Variants in MRTFA observed in about 807,000 individuals in gnomAD.
MRTFA encodes myocardin related transcription factor A.
Under a neutral mutation model 83.5 loss-of-function variants are expected in MRTFA, and 20 were observed. The observed-to-expected ratio is 0.24, with a 90% CI of 0.17 to 0.35. The LOEUF (loss-of-function observed/expected upper bound fraction) is 0.35. MRTFA is among the 10% of genes least tolerant of loss of function. The probability of loss-of-function intolerance (pLI) is 1.00; values close to 1 mark genes in which losing one functional copy is unlikely to be tolerated. For missense variants in MRTFA, 1,200 were observed against 1,224.7 expected (o/e 0.98, Z 0.30); for synonymous variants, 659 against 541.2 (o/e 1.22, Z -3.02).
intron 5 of MRTFA, among the ~76,000 whole-genome samples, chr22:40,432,279 A>C (rs1379463720): frequency 5.3e-5 from 8 of 152,078 alleles, no homozygotes; most frequent in Non-Finnish European, 1.2e-4. Context: ...AAAACCAAAA[A>C]AAAACCCCAA....
chr22:40,463,310 A>G (rs1442935447), intron 3 of MRTFA, 24 bp from the exon 4 acceptor site: 3 of 1,605,914 alleles, frequency 1.9e-6, no homozygotes. Flanking sequence ...GAGAGAGAGG[A>G]GAGATGAGGG....
chr22:40,570,121 T>C (rs1286659766), intron 2 of MRTFA, among the ~76,000 whole-genome samples: 1 of 152,152 alleles, frequency 6.6e-6, no homozygotes, highest in South Asian at 2.1e-4. Context: ...CCTCTCTCAC[T>C]CCTTCTTCCC....
At chr22:40,476,757 TAA>T in intron 3 of MRTFA, among the ~76,000 whole-genome samples, 1 of 151,792 alleles carries the variant, frequency 6.6e-6, no homozygotes. Flanking sequence ...GCCTAAACAC[TAA>T]GTTTCTCTTG....
chr22:40,593,645 C>G (rs2056151499), intron 2 of MRTFA, among the ~76,000 whole-genome samples: 1 of 152,104 alleles, frequency 6.6e-6, no homozygotes, highest in African/African-American at 2.4e-5. Context: ...GCGTCAATTC[C>G]AAGGCCATGT....
At chr22:40,605,295 C>G (rs566222246) in intron 1 of MRTFA, among the ~76,000 whole-genome samples, 1 of 152,236 alleles carries the variant, frequency 6.6e-6, no homozygotes, top group African/African-American at 2.4e-5. Context: ...AAGCAGAAAA[C>G]CAATTTCAAA....
intron 1 of MRTFA, among the ~76,000 whole-genome samples, chr22:40,603,683 G>C (rs2056285182): frequency 6.6e-6 from 1 of 151,412 alleles, no homozygotes; most frequent in Non-Finnish European, 1.5e-5. Context: ...ATGGCAAAAT[G>C]TCTGAATTTT....
chr22:40,490,192 AT>A (rs2054248688), intron 3 of MRTFA, among the ~76,000 whole-genome samples: 1 of 152,108 alleles, frequency 6.6e-6, no homozygotes, highest in East Asian at 1.9e-4. Context: ...AAGCCATACT[AT>A]CCCCCGCCTC....
intron 2 of MRTFA, among the ~76,000 whole-genome samples, chr22:40,571,067 G>C (rs558699133): frequency 5.4e-5 from 8 of 147,312 alleles, no homozygotes; most frequent in African/African-American, 2.0e-4. Flanking sequence ...AAATTAGCTG[G>C]GCATGGTGGT....
chr22:40,444,073 G>A (rs938468820), intron 4 of MRTFA, among the ~76,000 whole-genome samples: 5 of 152,204 alleles, frequency 3.3e-5, no homozygotes, highest in Admixed American at 2.6e-4. Context: ...ATTTCCACCT[G>A]GTCATAACGA....
intron 3 of MRTFA, among the ~76,000 whole-genome samples, chr22:40,502,244 G>A (rs1431146237): frequency 7.0e-6 from 1 of 142,180 alleles, no homozygotes; most frequent in Admixed American, 6.8e-5. Context: ...GCCGGGTGGA[G>A]AGGCTCCTCA....
At chr22:40,611,325 T>C (rs1376036080) in intron 1 of MRTFA, among the ~76,000 whole-genome samples, 1 of 152,112 alleles carries the variant, frequency 6.6e-6, no homozygotes, top group Non-Finnish European at 1.5e-5. Flanking sequence ...CAGCCTTGAC[T>C]TCCTGGATTC....
Position 40,583,124 on chromosome 22 carries a change from T to TA in MRTFA, c.-22+11549dup, listed in dbSNP as rs370211922. Among the ~76,000 whole-genome samples, 452 of 152,094 alleles carry TA rather than the reference T, an allele frequency of 3.0e-3. 4 individuals carry two copies. Among genetic ancestry groups the TA allele is most frequent in the African/African-American group, 0.01 (428 of 41,480 alleles). On this transcript the variant is annotated intron_variant, in intron 2 of 14. Transcript: ENST00000355630. ...TCTATTACTAATATTCTTCCCTGATTAAAAAAAACAGAGCTTTGTTTTGCC... is the reference window on the plus strand; with the variant it reads ...TCTATTACTAATATTCTTCCCTGATTAAAAAAAAACAGAGCTTTGTTTTGCC...
intron 2 of MRTFA, chr22:40,587,906 A>G: frequency 2.4e-6 from 1 of 415,466 alleles, no homozygotes; most frequent in East Asian, 5.1e-5. Context: ...ATCTGGTGGA[A>G]TGGGAGCCTT....
At chr22:40,458,803 C>T (rs1459977521) in intron 4 of MRTFA, among the ~76,000 whole-genome samples, 1 of 152,012 alleles carries the variant, frequency 6.6e-6, no homozygotes, top group African/African-American at 2.4e-5. Flanking sequence ...GCTGGCCGGG[C>T]GTGGAGGCTC....
Position 40,609,538 on chromosome 22 carries a change from C to A in MRTFA, c.-83-14803G>T, listed in dbSNP as rs566849380. On this transcript the variant is annotated intron_variant, in intron 1 of 14. Coordinates refer to ENST00000355630, the MANE Select transcript of MRTFA (RefSeq NM_020831.6). Reference sequence around the variant, plus strand: ...ATTTTTGATAGTGAAAAATGACTAACCAAGATTTTAGGCTGGGCACGGTGG... The same window carrying A: ...ATTTTTGATAGTGAAAAATGACTAAACAAGATTTTAGGCTGGGCACGGTGG... Among the ~76,000 whole-genome samples the A allele has an allele frequency of 4.5e-4, 64 of 142,942 alleles. No homozygotes were observed. In the South Asian group the frequency reaches 0.014, roughly 31 times the overall value. 93.8% of individuals were successfully genotyped at this position (142,942 alleles called of 152,430 possible).
chr22:40,609,755 CG>C (rs1336613342), intron 1 of MRTFA, among the ~76,000 whole-genome samples: 5 of 151,602 alleles, frequency 3.3e-5, no homozygotes, highest in Non-Finnish European at 7.4e-5. Context: ...TGCTTGAACC[CG>C]GGCAGCGGAG....
At chr22:40,573,898 A>G (rs545811221) in intron 2 of MRTFA, among the ~76,000 whole-genome samples, 2 of 152,234 alleles carry the variant, frequency 1.3e-5, no homozygotes, top group South Asian at 4.2e-4. Context: ...TAATATTTTT[A>G]CTACTGCATC....
At chr22:40,557,971 G>C (rs990880151) in intron 2 of MRTFA, among the ~76,000 whole-genome samples, 6 of 152,070 alleles carry the variant, frequency 3.9e-5, no homozygotes, top group Admixed American at 6.6e-5. Flanking sequence ...ATGGGGTTTT[G>C]CCATGTTGCC....
intron 2 of MRTFA, among the ~76,000 whole-genome samples, chr22:40,564,691 C>T (rs188395898): frequency 1.3e-5 from 2 of 152,088 alleles, no homozygotes; most frequent in Non-Finnish European, 2.9e-5. Context: ...CTTGCACCGT[C>T]GCCCAGGCTG....
Sources: allele counts gnomAD v4.1 joint callset (sites outside exome capture counted in the v4.1 genomes callset), GRCh38; gene constraint gnomAD v4.1.1; transcripts MANE v1.5; gene names NCBI Gene and HGNC (gene_info 2026-07-23, HGNC 2026-07-21).